Variants in ESR2 observed in about 807,000 individuals in gnomAD.
ESR2 encodes the protein estrogen receptor 2, also known as estrogen receptor beta.
Under a neutral mutation model 49.6 loss-of-function variants are expected in ESR2, and 36 were observed. The ratio of observed to expected loss-of-function variants is 0.73; its 90% CI spans 0.56 to 0.96. ESR2 has a LOEUF of 0.96. Ranked by LOEUF, ESR2 falls within the 40% of genes least tolerant of loss-of-function variation. The pLI, the probability that ESR2 is intolerant of heterozygous loss-of-function variation, is 0.00. For missense variants in ESR2, 714 were observed against 693.0 expected (o/e 1.03, Z -0.34); for synonymous variants, 320 against 266.1 (o/e 1.20, Z -1.97).
intron 8 of ESR2, 76 bp downstream of exon 8, chr14:64,234,894 C>A (rs969459185): frequency 1.9e-6 from 3 of 1,564,790 alleles, no homozygotes; most frequent in African/African-American, 1.4e-5. Context: ...AGACACTTTT[C>A]CCAAATCACT....
At chr14:64,228,078 T>C (rs2098723647), downstream of ESR2, 1 of 1,363,474 alleles carries the variant, frequency 7.3e-7, no homozygotes, top group East Asian at 2.8e-5. Context: ...AGTGTGAGAT[T>C]AGCTGACTAA....
At chr14:64,256,766 AAAAAC>A (rs897816874) in intron 6 of ESR2, among the ~76,000 whole-genome samples, 8 of 152,066 alleles carry the variant, frequency 5.3e-5, no homozygotes, top group African/African-American at 1.7e-4. Flanking sequence ...CAAAACAAAA[AAAAAC>A]AAAAGAGTGA....
rs146977918 is a variant in ESR2, at chr14:64,257,297, C to T, written c.1020G>A (p.Met340Ile). The change falls in exon 6 of 9, where the codon ATG becomes ATA. Residue 340 changes from methionine (M) to isoleucine (I), a missense_variant. By Grantham distance (10) the Met-to-Ile change is conservative. Coordinates refer to ENST00000341099, the MANE Select transcript of ESR2 (RefSeq NM_001437.3). ...CAATTGAGCGCCACATCAGCCCCAT[C>T]ATTAACACCTCCATCCAACAGCTCT... ...LLESCWMEVL[M>I]MGLMWRSIDH... 4.3e-6 allele frequency: 7 copies of T among 1,614,010 alleles called. No individual in the cohort carries two copies. The African/African-American group carries it at 5.3e-5, about 12-fold the overall frequency.
chr14:64,294,945 G>A (rs909631376), upstream of ESR2, among the ~76,000 whole-genome samples: 1 of 152,224 alleles, frequency 6.6e-6, no homozygotes, highest in African/African-American at 2.4e-5. Flanking sequence ...AGTGGCACCG[G>A]GGAGACCTGT....
At chr14:64,256,414 T>G (rs1205439335) in intron 6 of ESR2, among the ~76,000 whole-genome samples, 2 of 152,308 alleles carry the variant, frequency 1.3e-5, no homozygotes, top group East Asian at 1.9e-4. Flanking sequence ...CCAAAAATGC[T>G]ATATAGTACA....
At chr14:64,261,377 AT>A (rs1270845483) in intron 4 of ESR2, among the ~76,000 whole-genome samples, 1 of 151,426 alleles carries the variant, frequency 6.6e-6, no homozygotes, top group Admixed American at 6.6e-5. Flanking sequence ...AGCTAGGACT[AT>A]GGGTGCCTGC....
chr14:64,278,080 G>T (rs2076592995), intron 3 of ESR2, among the ~76,000 whole-genome samples: 1 of 152,104 alleles, frequency 6.6e-6, no homozygotes, highest in Admixed American at 6.5e-5. Flanking sequence ...ATACAAAATA[G>T]TCATCGTATC....
intron 4 of ESR2, among the ~76,000 whole-genome samples, chr14:64,263,446 C>T (rs980130554): frequency 6.6e-6 from 1 of 152,148 alleles, no homozygotes; most frequent in Non-Finnish European, 1.5e-5. Context: ...CACCTGAGGT[C>T]AGGAGTTTGA....
chr14:64,301,725 G>A (rs1040392170), intron 1 of ESR2: 1 of 152,090 alleles, frequency 6.6e-6, no homozygotes, highest in African/African-American at 2.4e-5. Context: ...TGTGCCCTTC[G>A]ACATTTTCCC....
At chr14:64,309,124 T>C (rs946268760) in intron 1 of ESR2, among the ~76,000 whole-genome samples, 4 of 152,206 alleles carry the variant, frequency 2.6e-5, no homozygotes, top group Non-Finnish European at 5.9e-5. Flanking sequence ...AAACGGTAGC[T>C]ATTATTGCCA....
chr14:64,234,728 T>C lies in ESR2; in HGVS notation c.1406+242A>G, dbSNP rs944045. 78,889 of 825,650 alleles carry C rather than the reference T, an allele frequency of 0.096. 7,238 individuals carry two copies. Among genetic ancestry groups the C allele is most frequent in the African/African-American group, 0.41 (23,510 of 57,954 alleles). The allele number at this position is 825,650 out of a possible 1,614,324, so 51.1% of individuals were successfully genotyped here. A position where few individuals can be genotyped will look rare whatever the true frequency, so the allele number is the denominator to read the frequency against. On this transcript the variant is annotated intron_variant, in intron 8 of 8. Coordinates refer to ENST00000341099, the MANE Select transcript of ESR2 (RefSeq NM_001437.3). ...ATAAACAGGCTATAAACCCCAGCAA[T>C]TGAAAAACCCATGAGCCACCACTGG... is the stretch of plus-strand genomic sequence containing the variant.
intron 7 of ESR2, among the ~76,000 whole-genome samples, chr14:64,239,942 T>A (rs2075686422): frequency 6.6e-6 from 1 of 152,236 alleles, no homozygotes; most frequent in South Asian, 2.1e-4. Flanking sequence ...TATTTGAGTA[T>A]ATATCCCATT....
rs367649109 is a variant in ESR2, at chr14:64,233,134, G to A, written c.*3C>T. 1.1e-5 allele frequency: 17 copies of A among 1,612,494 alleles called. No individual in the cohort carries two copies. The African/African-American group carries it at 2.3e-4, about 22-fold the overall frequency. On this transcript the variant is annotated 3_prime_UTR_variant, in exon 9 of 9. Coordinates refer to ENST00000341099, the MANE Select transcript of ESR2 (RefSeq NM_001437.3). ...GTGGGCCAGTTCACCTCAGGGCCAG[G>A]CGTCACTGAGACTGTGGGTTCTGGG...
intron 1 of ESR2, among the ~76,000 whole-genome samples, chr14:64,285,086 T>C (rs918757150): frequency 2.0e-5 from 3 of 152,058 alleles, no homozygotes; most frequent in Non-Finnish European, 2.9e-5. Flanking sequence ...CCTGACCTTG[T>C]GATTTGCCCG....
Position 64,267,485 on chromosome 14 carries a change from T to C in ESR2, c.652+1310A>G, listed in dbSNP as rs140236221. On this transcript the variant is annotated intron_variant, in intron 4 of 8. Transcript: ENST00000341099. ...AGCATGATCAGATGAAGAGAACTTC[T>C]GCTGTAACTGAACTATAATAGCTGA... is the stretch of plus-strand genomic sequence containing the variant. 4.2e-3 allele frequency among the ~76,000 whole-genome samples: 643 copies of C among 152,268 alleles called. 6 individuals carry two copies. The highest frequency in any genetic ancestry group is 0.015 in the African/African-American group (604 of 41,536).
downstream of ESR2, chr14:64,227,706 C>G: frequency 1.3e-6 from 2 of 1,597,610 alleles, no homozygotes; most frequent in Non-Finnish European, 1.7e-6. Context: ...CAATTTTTGT[C>G]TCTTCCTCAG....
At chr14:64,313,114 A>T (rs1258914075) in intron 1 of ESR2, among the ~76,000 whole-genome samples, 1 of 152,198 alleles carries the variant, frequency 6.6e-6, no homozygotes, top group Non-Finnish European at 1.5e-5. Flanking sequence ...AGCAAATAAA[A>T]TTACCAGACA....
At chr14:64,298,076 C>G (rs1233389681), upstream of ESR2, among the ~76,000 whole-genome samples, 1 of 152,158 alleles carries the variant, frequency 6.6e-6, no homozygotes, top group East Asian at 1.9e-4. Context: ...TGTCAGAGAT[C>G]ATCTCAACTG....
At chr14:64,269,039 G>T in intron 3 of ESR2, 128 bp from the exon 4 acceptor site, 1 of 614,370 alleles carries the variant, frequency 1.6e-6, no homozygotes, top group Admixed American at 2.8e-5. Flanking sequence ...GACCAGTACA[G>T]GTACAAAGCC....
Sources: gnomAD v4.1 joint callset for allele counts (sites outside exome capture counted in the v4.1 genomes callset) on GRCh38, gnomAD v4.1.1 for gene constraint, MANE v1.5 for transcripts, NCBI Gene and HGNC (gene_info 2026-07-23, HGNC 2026-07-21) for gene names.